BPI: variants seen among roughly 807,000 people sequenced by gnomAD.
BPI encodes the protein bactericidal permeability-increasing protein.
A neutral mutation model predicts 57.6 loss-of-function variants in BPI; 48 were observed. The ratio of observed to expected loss-of-function variants is 0.83; its 90% CI spans 0.66 to 1.06. The LOEUF (loss-of-function observed/expected upper bound fraction) is 1.06. Ranked by LOEUF, BPI falls within the 50% of genes least tolerant of loss-of-function variation. BPI has a pLI of 0.00. For missense variants in BPI, 651 were observed against 609.7 expected, an observed-to-expected ratio of 1.07 and a Z score of -0.71; for synonymous variants, 237 against 238.2, an observed-to-expected ratio of 0.99 and a Z score of 0.05.
At chr20:38,325,062 T>C (rs1263936433) in intron 9 of BPI, among the ~76,000 whole-genome samples, 1 of 152,176 alleles carries the variant, frequency 6.6e-6, no homozygotes, top group Non-Finnish European at 1.5e-5. Flanking sequence ...GGAGGGTCTT[T>C]CATGCAATAA....
intron 2 of BPI, 73 bp from the exon 3 acceptor site, chr20:38,308,857 C>T: frequency 6.3e-7 from 1 of 1,576,436 alleles, no homozygotes; most frequent in Non-Finnish European, 8.7e-7. Flanking sequence ...TCTGCATTAA[C>T]CATTAACGAA....
chr20:38,334,367 C>T, intron 12 of BPI, 63 bp from the exon 13 acceptor site: 2 of 1,485,946 alleles, frequency 1.3e-6, no homozygotes, highest in South Asian at 2.3e-5. Context: ...GTGATGAGGA[C>T]TGCTGGACCC....
chr20:38,308,515 G>A (rs1379435896), intron 2 of BPI, among the ~76,000 whole-genome samples: 1 of 152,192 alleles, frequency 6.6e-6, no homozygotes, highest in Non-Finnish European at 1.5e-5. Context: ...AGCAGGCTTT[G>A]GGGCTGCAAT....
At position 38,327,575 on chromosome 20, in the gene BPI, G is replaced by C; in HGVS notation, c.1162-13G>C. On this transcript the variant is annotated splice_polypyrimidine_tract_variant and intron_variant, in intron 10 of 14. Coordinates refer to ENST00000642449, the MANE Select transcript of BPI (RefSeq NM_001725.3). ...GGGTCAGGGCACTTCACCCTGGGTTGTTGTTTTGGCAGCACACAACTGGTT... is the reference window on the plus strand; with the variant it reads ...GGGTCAGGGCACTTCACCCTGGGTTCTTGTTTTGGCAGCACACAACTGGTT... 6.2e-7 allele frequency: 1 copy of C among 1,612,664 alleles called. No individual in the cohort carries two copies. Among genetic ancestry groups the C allele is most frequent in the Non-Finnish European group, 8.5e-7 (1 of 1,179,396 alleles).
chr20:38,327,618 G>A lies in BPI; in HGVS notation c.1192G>A (p.Glu398Lys), dbSNP rs766677571. The change falls in exon 11 of 15, where the codon GAG (glutamate) becomes AAG (lysine). Residue 398 changes from glutamate to lysine, a missense_variant. Glu to Lys is a moderately conservative substitution (Grantham distance 56). Coordinates refer to ENST00000642449, the MANE Select transcript of BPI (RefSeq NM_001725.3). ...HTTGSMEVSAESNRLVGELKL... is the reference protein window; with the variant it reads ...HTTGSMEVSAKSNRLVGELKL... ...AACTGGTTCCATGGAGGTCAGCGCC[G>A]AGTCCAACAGGCTTGTTGGAGAGCT... The A allele has an allele frequency of 5.3e-5, 86 of 1,613,498 alleles. No individual in the cohort carries two copies. Among genetic ancestry groups the A allele is most frequent in the Non-Finnish European group, 6.7e-5 (79 of 1,179,782 alleles).
intron 3 of BPI, among the ~76,000 whole-genome samples, chr20:38,309,617 G>A (rs1268196459): frequency 4.6e-5 from 7 of 152,154 alleles, no homozygotes; most frequent in Non-Finnish European, 7.3e-5. Flanking sequence ...ATCATTTCAC[G>A]TGGCCAAGCC....
intron 8 of BPI, 72 bp downstream of exon 8, chr20:38,324,118 T>C: frequency 1.3e-6 from 2 of 1,523,598 alleles, no homozygotes; most frequent in Non-Finnish European, 1.8e-6. Flanking sequence ...CAGACAAATC[T>C]GGAAAAAGCT....
At chr20:38,320,832 T>C (rs576098379) in intron 7 of BPI, among the ~76,000 whole-genome samples, 15 of 130,230 alleles carry the variant, frequency 1.2e-4, no homozygotes, top group Non-Finnish European at 2.3e-4. Context: ...GTTGGATGGG[T>C]GGATGGATGG....
At chr20:38,334,079 T>C (rs1335257597) in intron 12 of BPI, among the ~76,000 whole-genome samples, 2 of 152,224 alleles carry the variant, frequency 1.3e-5, no homozygotes, top group Non-Finnish European at 2.9e-5. Context: ...TTTGCCCTCT[T>C]ACTGCAGTGT....
At chr20:38,324,380 G>A (rs1277753857) in intron 8 of BPI, among the ~76,000 whole-genome samples, 1 of 152,182 alleles carries the variant, frequency 6.6e-6, no homozygotes, top group African/African-American at 2.4e-5. Context: ...TTTGAATGTA[G>A]GAAGTGATGA....
At chr20:38,318,576 C>G in intron 6 of BPI, 100 bp downstream of exon 6, 1 of 1,317,914 alleles carries the variant, frequency 7.6e-7, no homozygotes, top group South Asian at 1.2e-5. Context: ...TCCCAGACAG[C>G]CCTGGGCCTG....
intron 12 of BPI, among the ~76,000 whole-genome samples, chr20:38,332,585 C>A (rs1471003050): frequency 1.3e-5 from 2 of 152,084 alleles, no homozygotes; most frequent in Non-Finnish European, 2.9e-5. Context: ...AGCACAGAAG[C>A]CTCCCTCATG....
At chr20:38,323,532 G>A (rs1428781363) in intron 7 of BPI, among the ~76,000 whole-genome samples, 2 of 152,220 alleles carry the variant, frequency 1.3e-5, no homozygotes, top group Non-Finnish European at 2.9e-5. Flanking sequence ...CAATGGAGTG[G>A]TTAGGAGAAC....
chr20:38,309,304 A>G (rs142539838), intron 3 of BPI, among the ~76,000 whole-genome samples: 1 of 152,352 alleles, frequency 6.6e-6, no homozygotes, highest in Non-Finnish European at 1.5e-5. Flanking sequence ...TTAGGGTGGA[A>G]ATCTAAGTGG....
chr20:38,310,551 G>T lies in BPI; in HGVS notation c.435G>T (p.Lys145Asn). The change falls in exon 4 of 15, where the codon AAG becomes AAT. Residue 145 changes from lysine to asparagine, a missense_variant. Transcript: ENST00000642449. ...GCATGTCCATTTCGGCTGATCTGAA[G>T]CTGGGCAGTAACCCCACGTCAGGCA... is the stretch of plus-strand genomic sequence containing the variant. Reference protein sequence around the residue: ...IEGMSISADLKLGSNPTSGKP... With the variant: ...IEGMSISADLNLGSNPTSGKP... 6.2e-7 allele frequency: 1 copy of T among 1,614,204 alleles called. No homozygotes were observed. The highest frequency in any genetic ancestry group is 8.5e-7 in the Non-Finnish European group (1 of 1,180,036).
intron 13 of BPI, among the ~76,000 whole-genome samples, chr20:38,335,243 G>A (rs1372506202): frequency 6.6e-6 from 1 of 152,054 alleles, no homozygotes; most frequent in Non-Finnish European, 1.5e-5. Context: ...AAATGTTGAG[G>A]GGTTTCATGC....
chr20:38,323,595 G>T (rs1027581000), intron 7 of BPI, among the ~76,000 whole-genome samples: 2 of 152,318 alleles, frequency 1.3e-5, no homozygotes, highest in African/African-American at 4.8e-5. Context: ...CCACTTACCA[G>T]CTGTGTGACC....
chr20:38,332,322 C>A (rs1422735095), intron 12 of BPI, among the ~76,000 whole-genome samples: 2 of 152,020 alleles, frequency 1.3e-5, no homozygotes, highest in East Asian at 3.9e-4. Flanking sequence ...GACAAGGGGT[C>A]ATTGAGGAGG....
chr20:38,312,009 T>A, intron 5 of BPI, 72 bp downstream of exon 5: 1 of 1,462,372 alleles, frequency 6.8e-7, no homozygotes, highest in South Asian at 1.1e-5. Flanking sequence ...CTCCCCCTTC[T>A]ACGGACACTC....
Sources: gnomAD v4.1 joint callset for allele counts (sites outside exome capture counted in the v4.1 genomes callset) on GRCh38, gnomAD v4.1.1 for gene constraint, MANE v1.5 for transcripts, NCBI Gene and HGNC (gene_info 2026-07-23, HGNC 2026-07-21) for gene names.